AIG1: variants seen among roughly 807,000 people sequenced by gnomAD.
AIG1 encodes androgen induced 1.
A neutral mutation model predicts 31.4 loss-of-function variants in AIG1; 23 were observed. The observed-to-expected ratio is 0.73, with a 90% CI of 0.53 to 1.04. The LOEUF (loss-of-function observed/expected upper bound fraction) is 1.04. Ranked by LOEUF, AIG1 falls within the 50% of genes least tolerant of loss-of-function variation. AIG1 has a pLI of 0.00. For missense variants in AIG1, 274 were observed against 295.0 expected (o/e 0.93, Z 0.52); for synonymous variants, 100 against 110.5 (o/e 0.90, Z 0.60).
At chr6:143,209,911 C>A (rs1791451635) in intron 3 of AIG1, among the ~76,000 whole-genome samples, 2 of 152,198 alleles carry the variant, frequency 1.3e-5, no homozygotes, top group South Asian at 2.1e-4. Flanking sequence ...GCCTTCCTTG[C>A]CTGTCGTGTT....
intron 3 of AIG1, among the ~76,000 whole-genome samples, chr6:143,195,842 G>A (rs144847945): frequency 4.6e-5 from 7 of 152,294 alleles, no homozygotes; most frequent in Non-Finnish European, 8.8e-5. Context: ...AAGAAAAGCC[G>A]CCAGAAGAAA....
chr6:143,341,829 A>T (rs947431749), downstream of AIG1, among the ~76,000 whole-genome samples: 1 of 152,238 alleles, frequency 6.6e-6, no homozygotes, highest in Non-Finnish European at 1.5e-5. Context: ...TTGTAAGCTT[A>T]CTTAGGCGGT....
chr6:143,254,574 G>T (rs1795240623), intron 3 of AIG1, among the ~76,000 whole-genome samples: 1 of 151,986 alleles, frequency 6.6e-6, no homozygotes, highest in South Asian at 2.1e-4. Flanking sequence ...TTGACTCATG[G>T]ACTATTGAGT....
chr6:143,266,273 G>A (rs1219315579), intron 3 of AIG1, among the ~76,000 whole-genome samples: 1 of 150,418 alleles, frequency 6.6e-6, no homozygotes, highest in African/African-American at 2.4e-5. Flanking sequence ...CTTGAACCCA[G>A]GAGGCAGAGG....
intron 3 of AIG1, chr6:143,188,950 T>C: frequency 1.0e-6 from 1 of 983,788 alleles, no homozygotes; most frequent in South Asian, 4.7e-5. Context: ...AGACTCATCA[T>C]TTTGTAGTTA....
intron 1 of AIG1, among the ~76,000 whole-genome samples, chr6:143,121,828 A>G (rs895472151): frequency 2.0e-5 from 3 of 152,230 alleles, no homozygotes; most frequent in East Asian, 3.8e-4. Flanking sequence ...TTTTCACTAA[A>G]TGTAATATAT....
intron 1 of AIG1, among the ~76,000 whole-genome samples, chr6:143,092,947 G>A (rs1225868723): frequency 1.3e-5 from 2 of 152,150 alleles, no homozygotes; most frequent in African/African-American, 4.8e-5. Context: ...GTACTCAGGA[G>A]GCTGAGGTGG....
chr6:143,161,028 A>G (rs1171886190), intron 2 of AIG1, among the ~76,000 whole-genome samples: 1 of 152,200 alleles, frequency 6.6e-6, no homozygotes, highest in African/African-American at 2.4e-5. Flanking sequence ...TAACAGTGAT[A>G]TGTTAGTAAA....
intron 4 of AIG1, among the ~76,000 whole-genome samples, chr6:143,295,508 A>G (rs1273224285): frequency 6.6e-6 from 1 of 152,142 alleles, no homozygotes; most frequent in African/African-American, 2.4e-5. Flanking sequence ...AGCTCCAGAC[A>G]CAGTGATCTT....
At chr6:143,304,761 C>T (rs1166761203) in intron 4 of AIG1, among the ~76,000 whole-genome samples, 1 of 151,714 alleles carries the variant, frequency 6.6e-6, no homozygotes, top group African/African-American at 2.4e-5. Context: ...AGGGAGGATT[C>T]CCTCTTTTTC....
At chr6:143,220,936 T>C (rs1366869045) in intron 3 of AIG1, among the ~76,000 whole-genome samples, 1 of 152,192 alleles carries the variant, frequency 6.6e-6, no homozygotes, top group African/African-American at 2.4e-5. Flanking sequence ...AGCTGCCAAG[T>C]AGAGAAAGTA....
chr6:143,075,300 T>C (rs1340412690), intron 1 of AIG1, among the ~76,000 whole-genome samples: 2 of 152,118 alleles, frequency 1.3e-5, no homozygotes, highest in Non-Finnish European at 2.9e-5. Flanking sequence ...ATTTCTCTCT[T>C]TTTTTGTTGC....
chr6:143,252,227 C>T (rs1795058262), intron 3 of AIG1, among the ~76,000 whole-genome samples: 2 of 152,216 alleles, frequency 1.3e-5, no homozygotes, highest in Non-Finnish European at 2.9e-5. Flanking sequence ...TCAAGCGATT[C>T]TCCCGCCTCA....
intron 2 of AIG1, among the ~76,000 whole-genome samples, chr6:143,146,964 G>A (rs1254155409): frequency 1.3e-5 from 2 of 152,162 alleles, no homozygotes; most frequent in African/African-American, 4.8e-5. Context: ...AATCAGGTGG[G>A]AAGGTGGGAA....
chr6:143,066,332 T>A (rs180941867), intron 1 of AIG1, among the ~76,000 whole-genome samples: 2 of 152,052 alleles, frequency 1.3e-5, no homozygotes, highest in East Asian at 3.9e-4. Context: ...GCGAGTGCAG[T>A]GGTGATCTTG....
chr6:143,192,759 C>T (rs1270818518), intron 3 of AIG1, among the ~76,000 whole-genome samples: 1 of 152,024 alleles, frequency 6.6e-6, no homozygotes, highest in Non-Finnish European at 1.5e-5. Context: ...GACAAATATC[C>T]AAATAACTGC....
chr6:143,082,180 C>G (rs978764679), intron 1 of AIG1, among the ~76,000 whole-genome samples: 2 of 152,134 alleles, frequency 1.3e-5, no homozygotes, highest in African/African-American at 4.8e-5. Flanking sequence ...ATTCTAGTGC[C>G]TGAGTGACGG....
At chr6:143,089,411 G>T (rs1340847579) in intron 1 of AIG1, among the ~76,000 whole-genome samples, 1 of 152,028 alleles carries the variant, frequency 6.6e-6, no homozygotes, top group African/African-American at 2.4e-5. Context: ...CTGACTTGGG[G>T]TGAGCTTATT....
intron 2 of AIG1, among the ~76,000 whole-genome samples, chr6:143,141,344 G>C (rs1235741450): frequency 6.6e-6 from 1 of 152,148 alleles, no homozygotes; most frequent in African/African-American, 2.4e-5. Context: ...TTAATTGAGA[G>C]TTGACAGTAA....
Sources: gnomAD v4.1 joint callset for allele counts (sites outside exome capture counted in the v4.1 genomes callset) on GRCh38, gnomAD v4.1.1 for gene constraint, MANE v1.5 for transcripts, NCBI Gene and HGNC (gene_info 2026-07-23, HGNC 2026-07-21) for gene names.